The following RXRA variants were observed in gnomAD, a reference collection of about 807,000 sequenced individuals.
The protein encoded by RXRA is retinoid X receptor alpha.
A neutral mutation model predicts 44.5 loss-of-function variants in RXRA; 5 were observed. The ratio of observed to expected loss-of-function variants is 0.11; its 90% CI spans 0.06 to 0.24. The LOEUF (loss-of-function observed/expected upper bound fraction) is 0.24. RXRA is among the 10% of genes least tolerant of loss of function. The pLI is 1.00. For missense variants in RXRA, 412 were observed against 646.5 expected (o/e 0.64, Z 3.93); for synonymous variants, 291 against 271.4 (o/e 1.07, Z -0.71).
chr9:134,417,194 A>G lies in RXRA; in HGVS notation c.647A>G (p.Asn216Ser). The change falls in exon 5 of 10, where the codon AAC becomes AGC. Residue 216 changes from asparagine to serine, a missense_variant. Physicochemically the swap from Asn to Ser is conservative, Grantham distance 46. Coordinates refer to ENST00000481739, the MANE Select transcript of RXRA (RefSeq NM_002957.6). The surrounding 1 kb of genome is among the most constrained non-coding windows in gnomAD (Gnocchi z 6.1). The part of the protein sequence containing the change: ...QEERQRGKDR[N>S]ENEVESTSSA... ...GAGCGGCAGCGTGGCAAGGACCGGA[A>G]CGAGAATGAGGTGGAGTCGACCAGC... The G allele has an allele frequency of 6.2e-7, 1 of 1,613,274 alleles. No individual in the cohort carries two copies. Among genetic ancestry groups the G allele is most frequent in the Non-Finnish European group, 8.5e-7 (1 of 1,179,924 alleles).
intron 8 of RXRA, among the ~76,000 whole-genome samples, chr9:134,432,983 G>A (rs111759010): frequency 2.9e-4 from 44 of 152,312 alleles, no homozygotes; most frequent in African/African-American, 1.0e-3. Context: ...AGGGGCAGGT[G>A]GCTGGGGTGT....
chr9:134,408,032 T>G, intron 2 of RXRA, 117 bp from the exon 3 acceptor site: 3 of 733,704 alleles, frequency 4.1e-6, no homozygotes, highest in Non-Finnish European at 6.5e-6. Flanking sequence ...CTCTCTAGCC[T>G]CGGTGTCTGT....
rs1242988154 is a variant in RXRA at position 134,346,402 on chromosome 9, T to C, written c.28+19743T>C. ...CAGGTCTCCCTCGGCTGTCGGCTCATCCAGGAGCCTCCCCAGACCCCCAGC... is the reference window on the plus strand; with the variant it reads ...CAGGTCTCCCTCGGCTGTCGGCTCACCCAGGAGCCTCCCCAGACCCCCAGC... On this transcript the variant is annotated intron_variant, in intron 1 of 9. Coordinates refer to ENST00000481739, the MANE Select transcript of RXRA (RefSeq NM_002957.6). 2.0e-5 allele frequency among the ~76,000 whole-genome samples: 3 copies of C among 152,262 alleles called. No individual in the cohort carries two copies. The East Asian group carries it at 5.8e-4, about 30-fold the overall frequency.
chr9:134,355,144 C>G (rs1460559910), intron 1 of RXRA, among the ~76,000 whole-genome samples: 3 of 152,200 alleles, frequency 2.0e-5, no homozygotes, highest in Non-Finnish European at 2.9e-5. Context: ...GCTGGGCCAC[C>G]CCATCTCTGC....
chr9:134,378,473 C>T (rs1369553607), intron 1 of RXRA, among the ~76,000 whole-genome samples: 2 of 152,332 alleles, frequency 1.3e-5, no homozygotes, highest in Non-Finnish European at 2.9e-5. Context: ...CCGAAGGGTC[C>T]TGTGGCCTGG....
chr9:134,326,654 C>A lies in RXRA; in HGVS notation c.23C>A (p.Pro8Gln). The A allele has an allele frequency of 1.0e-6, 1 of 964,590 alleles. No homozygotes were observed. The highest frequency in any genetic ancestry group is 4.6e-5 in the South Asian group (1 of 21,614). 59.8% of individuals were successfully genotyped at this position (964,590 alleles called of 1,614,324 possible). A position where few individuals can be genotyped will look rare whatever the true frequency, so the allele number is the denominator to read the frequency against. The change falls in exon 1 of 10, where the codon CCG becomes CAG. Residue 8 changes from proline to glutamine, a missense_variant. By Grantham distance (76) the Pro-to-Gln change is moderately conservative. Around this residue, in one of 4 missense-constraint regions of RXRA, gnomAD observed 156 missense variants for 177.2 expected, o/e 0.88. Coordinates refer to ENST00000481739, the MANE Select transcript of RXRA (RefSeq NM_002957.6). ...GACATGGACACCAAACATTTCCTGCCGCTCGGTGAGTGCTCGCCGGGCCGG... is the reference window on the plus strand; with the variant it reads ...GACATGGACACCAAACATTTCCTGCAGCTCGGTGAGTGCTCGCCGGGCCGG... Reference protein sequence around the residue: MDTKHFLPLDFSTQVNSS... With the variant: MDTKHFLQLDFSTQVNSS...
At chr9:134,388,094 A>AAGT (rs1439425585) in intron 1 of RXRA, among the ~76,000 whole-genome samples, 3 of 151,874 alleles carry the variant, frequency 2.0e-5, no homozygotes. Context: ...CTCATCTGTA[A>AAGT]AGTGGGCGCA....
chr9:134,385,297 C>T (rs1830703132), intron 1 of RXRA, among the ~76,000 whole-genome samples: 1 of 152,248 alleles, frequency 6.6e-6, no homozygotes, highest in Non-Finnish European at 1.5e-5. Context: ...AAAAGGCATT[C>T]TGTGCCTTGG....
chr9:134,362,765 C>T (rs1250744749), intron 1 of RXRA, among the ~76,000 whole-genome samples: 1 of 152,230 alleles, frequency 6.6e-6, no homozygotes. Flanking sequence ...TTCTGTCGGC[C>T]CCTCATGTGG....
chr9:134,345,572 G>C (rs1345570816), intron 1 of RXRA, among the ~76,000 whole-genome samples: 1 of 152,198 alleles, frequency 6.6e-6, no homozygotes, highest in Non-Finnish European at 1.5e-5. Flanking sequence ...TGGCCTGGCT[G>C]CACCCACTAG....
chr9:134,375,886 C>T (rs1334772088), intron 1 of RXRA, among the ~76,000 whole-genome samples: 1 of 151,850 alleles, frequency 6.6e-6, no homozygotes, highest in East Asian at 1.9e-4. Flanking sequence ...ACCACGTGCC[C>T]TGCGACTCGA....
At chr9:134,335,638 C>T (rs1424185246) in intron 1 of RXRA, among the ~76,000 whole-genome samples, 1 of 152,154 alleles carries the variant, frequency 6.6e-6, no homozygotes, top group Non-Finnish European at 1.5e-5. Context: ...ATAATTAACC[C>T]TGGGAGGAGC....
chr9:134,372,721 C>A (rs1028549757), intron 1 of RXRA, among the ~76,000 whole-genome samples: 1 of 152,230 alleles, frequency 6.6e-6, no homozygotes, highest in East Asian at 1.9e-4. Context: ...CCCTGCTCTT[C>A]CCGGGACTCT....
chr9:134,424,788 C>T (rs1241737964), intron 6 of RXRA: 9 of 985,354 alleles, frequency 9.1e-6, no homozygotes, highest in Non-Finnish European at 1.1e-5. Flanking sequence ...ACTCTGTCCC[C>T]CTCCAGGGGG....
intron 5 of RXRA, among the ~76,000 whole-genome samples, chr9:134,420,548 T>G (rs998615410): frequency 2.9e-4 from 44 of 152,310 alleles, no homozygotes; most frequent in Admixed American, 2.2e-3. Context: ...GCCTTCTCAC[T>G]CCGCCCTCAG....
chr9:134,345,731 T>C (rs139956739), intron 1 of RXRA, among the ~76,000 whole-genome samples: 37 of 152,260 alleles, frequency 2.4e-4, no homozygotes, highest in African/African-American at 8.7e-4. Context: ...TGCTGCTATA[T>C]CTCCCCAGCC....
intron 1 of RXRA, among the ~76,000 whole-genome samples, chr9:134,346,161 C>T (rs192570025): frequency 2.0e-5 from 3 of 152,246 alleles, no homozygotes; most frequent in African/African-American, 7.2e-5. Flanking sequence ...AGCACCTGAT[C>T]AGGACCATGC....
At chr9:134,374,843 G>C (rs1334723862) in intron 1 of RXRA, among the ~76,000 whole-genome samples, 1 of 152,214 alleles carries the variant, frequency 6.6e-6, no homozygotes, top group Admixed American at 6.5e-5. Flanking sequence ...CTCGGCGCCT[G>C]CCTGGCTAGT....
At chr9:134,408,824 A>G in intron 3 of RXRA, 116 bp from the exon 4 acceptor site, 1 of 965,080 alleles carries the variant, frequency 1.0e-6, no homozygotes, top group Non-Finnish European at 1.5e-6. Context: ...TCTGGAGACC[A>G]GCAGGTCCCT....
Sources: allele counts gnomAD v4.1 joint callset (sites outside exome capture counted in the v4.1 genomes callset), GRCh38; gene constraint gnomAD v4.1.1; regional missense constraint gnomAD v4.1.1; non-coding constraint Gnocchi (gnomAD v3.1); transcripts MANE v1.5; gene names NCBI Gene and HGNC (gene_info 2026-07-23, HGNC 2026-07-21).